Variants in CNBD1 observed in about 807,000 individuals in gnomAD.
The protein encoded by CNBD1 is cyclic nucleotide-binding domain-containing protein 1.
In CNBD1, 71 loss-of-function variants were observed where a neutral mutation model predicts 54.4. The ratio of observed to expected loss-of-function variants is 1.30; its 90% CI spans 1.08 to 1.59. CNBD1 has a LOEUF of 1.59. Ranked by LOEUF, CNBD1 falls within the 40% of genes most tolerant of loss-of-function variation. CNBD1 has a pLI of 0.00. For missense variants in CNBD1, 659 were observed against 518.0 expected (o/e 1.27, Z -2.64); for synonymous variants, 182 against 170.7 (o/e 1.07, Z -0.51).
chr8:87,167,626 G>A (rs945928388), intron 4 of CNBD1, among the ~76,000 whole-genome samples: 2 of 151,702 alleles, frequency 1.3e-5, no homozygotes, highest in African/African-American at 2.4e-5. Flanking sequence ...TCTGGTTCTC[G>A]CAAGGTGGAT....
chr8:87,187,675 G>C (rs919565521), intron 4 of CNBD1, among the ~76,000 whole-genome samples: 2 of 152,126 alleles, frequency 1.3e-5, no homozygotes, highest in African/African-American at 4.8e-5. Flanking sequence ...CAAATTGCTT[G>C]CCTAACTTTG....
chr8:87,376,025 A>G (rs1232025585), intron 10 of CNBD1, among the ~76,000 whole-genome samples: 1 of 151,930 alleles, frequency 6.6e-6, no homozygotes, highest in Non-Finnish European at 1.5e-5. Flanking sequence ...AAATTATGCA[A>G]TATGAAGGAT....
At position 87,301,444 on chromosome 8, in the gene CNBD1, TTAA is replaced by T. The variant is rs1352353558; in HGVS notation, c.1042+14777_1042+14779del. Reference sequence around the variant, plus strand: ...TTGATGAACACAGATGCTAAAATCCTTAATAAAATATTTGCTAACTAAATCCAA... The same window carrying T: ...TTGATGAACACAGATGCTAAAATCCTTAAAATATTTGCTAACTAAATCCAA... On this transcript the variant is annotated intron_variant, in intron 8 of 10. Transcript: ENST00000518476. Among the ~76,000 whole-genome samples, 4 of 151,262 alleles carry T rather than the reference TTAA, an allele frequency of 2.6e-5. No individual in the cohort carries two copies. In the East Asian group the frequency reaches 7.7e-4, roughly 29 times the overall value.
chr8:87,385,309 A>C (rs1170470625), downstream of CNBD1, among the ~76,000 whole-genome samples: 1 of 152,114 alleles, frequency 6.6e-6, no homozygotes, highest in Non-Finnish European at 1.5e-5. Flanking sequence ...TGTGAGCCAA[A>C]ACAGGGCAAG....
intron 6 of CNBD1, among the ~76,000 whole-genome samples, chr8:87,248,873 C>T (rs1056748341): frequency 2.6e-5 from 4 of 152,004 alleles, no homozygotes; most frequent in South Asian, 4.1e-4. Context: ...AGGAAAGAGG[C>T]GTGAACAGAA....
intron 6 of CNBD1, among the ~76,000 whole-genome samples, chr8:87,282,367 T>A (rs781218365): frequency 5.9e-5 from 9 of 151,726 alleles, no homozygotes; most frequent in Non-Finnish European, 1.2e-4. Flanking sequence ...TAGCTAATTA[T>A]TTGCCCTCCA....
At chr8:86,907,275 C>T (rs892656608) in intron 3 of CNBD1, among the ~76,000 whole-genome samples, 5 of 152,166 alleles carry the variant, frequency 3.3e-5, no homozygotes, top group African/African-American at 9.7e-5. Context: ...TGTGAATTTG[C>T]CAATCTTGAA....
At chr8:86,923,702 T>A (rs1809313296) in intron 3 of CNBD1, among the ~76,000 whole-genome samples, 2 of 152,230 alleles carry the variant, frequency 1.3e-5, no homozygotes, top group Admixed American at 1.3e-4. Context: ...TGGTAAATTC[T>A]AATTTCAAGT....
intron 5 of CNBD1, among the ~76,000 whole-genome samples, chr8:87,229,758 G>A (rs16897759): frequency 0.089 from 13,430 of 151,376 alleles, 1,806 homozygotes; most frequent in African/African-American, 0.29. Flanking sequence ...CCAAAATTTC[G>A]TCTCACTCTG....
chr8:86,946,763 G>A (rs1807479285), intron 4 of CNBD1, among the ~76,000 whole-genome samples: 1 of 152,034 alleles, frequency 6.6e-6, no homozygotes, highest in Admixed American at 6.6e-5. Context: ...ACAACTATCT[G>A]TTGAACTATC....
chr8:87,091,087 G>A (rs12541397), intron 4 of CNBD1, among the ~76,000 whole-genome samples: 15,669 of 148,652 alleles, frequency 0.11, 995 homozygotes, highest in East Asian at 0.19. Flanking sequence ...TTGCAGTGAG[G>A]TGAGGTAGTG....
At chr8:87,388,568 G>C (rs1230288541) in intron 2 of CNBD1, among the ~76,000 whole-genome samples, 1 of 152,118 alleles carries the variant, frequency 6.6e-6, no homozygotes, top group East Asian at 1.9e-4. Context: ...CTGAATCTCT[G>C]AGTAGACCAA....
At chr8:87,337,003 A>T (rs747434324) in intron 8 of CNBD1, among the ~76,000 whole-genome samples, 7 of 151,922 alleles carry the variant, frequency 4.6e-5, no homozygotes, top group East Asian at 1.9e-4. Context: ...GGTCCTATTC[A>T]TCTAGTTTAC....
At chr8:87,206,624 T>C (rs902950206) in intron 5 of CNBD1, among the ~76,000 whole-genome samples, 5 of 152,158 alleles carry the variant, frequency 3.3e-5, no homozygotes, top group African/African-American at 1.2e-4. Flanking sequence ...AACCCAGATA[T>C]AGGGAAAAAA....
At chr8:86,898,531 A>G (rs1808880851) in intron 2 of CNBD1, among the ~76,000 whole-genome samples, 1 of 152,178 alleles carries the variant, frequency 6.6e-6, no homozygotes, top group South Asian at 2.1e-4. Flanking sequence ...AAATATGTCA[A>G]CTGATCTTTA....
chr8:87,264,539 G>A (rs1470986689), intron 6 of CNBD1, among the ~76,000 whole-genome samples: 2 of 151,932 alleles, frequency 1.3e-5, no homozygotes, highest in African/African-American at 4.9e-5. Context: ...GGGTCAAATA[G>A]TATTTCTAGT....
chr8:87,333,560 GT>G (rs1809880006), intron 8 of CNBD1, among the ~76,000 whole-genome samples: 1 of 152,102 alleles, frequency 6.6e-6, no homozygotes, highest in Non-Finnish European at 1.5e-5. Flanking sequence ...TCAATACCTA[GT>G]TTATTGAGAG....
intron 3 of CNBD1, among the ~76,000 whole-genome samples, chr8:86,915,601 T>C (rs937835981): frequency 2.6e-5 from 4 of 152,220 alleles, no homozygotes; most frequent in African/African-American, 9.6e-5. Context: ...CAGATCAAAC[T>C]TCCTTCAGTG....
chr8:87,361,752 C>T (rs1245038319), intron 10 of CNBD1, among the ~76,000 whole-genome samples: 1 of 149,928 alleles, frequency 6.7e-6, no homozygotes, highest in East Asian at 1.9e-4. Flanking sequence ...TATGTCATCC[C>T]CCAAGAAACT....
Sources: gnomAD v4.1 joint callset for allele counts (sites outside exome capture counted in the v4.1 genomes callset) on GRCh38, gnomAD v4.1.1 for gene constraint, MANE v1.5 for transcripts, NCBI Gene and HGNC (gene_info 2026-07-23, HGNC 2026-07-21) for gene names.